SLC35F3: variants seen among roughly 807,000 people sequenced by gnomAD.
SLC35F3 encodes the protein solute carrier family 35 member F3, also known as putative thiamine transporter SLC35F3.
SLC35F3 carries 25 observed loss-of-function variants against 49.9 expected under a neutral mutation model. The observed-to-expected ratio is 0.50, with a 90% confidence interval of 0.37 to 0.70. SLC35F3 has a LOEUF of 0.70. SLC35F3 is among the 30% of genes least tolerant of loss of function. The pLI, the probability that SLC35F3 is intolerant of heterozygous loss-of-function variation, is 0.00. For missense variants in SLC35F3, 525 were observed against 639.8 expected (o/e 0.82, Z 1.94); for synonymous variants, 275 against 265.4 (o/e 1.04, Z -0.35).
intron 2 of SLC35F3, among the ~76,000 whole-genome samples, chr1:234,230,142 A>G (rs1213129800): frequency 6.6e-6 from 1 of 152,232 alleles, no homozygotes; most frequent in Non-Finnish European, 1.5e-5. Context: ...TTGGCCCAAT[A>G]AAGTACATTA....
intron 2 of SLC35F3, among the ~76,000 whole-genome samples, chr1:233,972,145 T>A (rs1403642870): frequency 6.6e-6 from 1 of 152,200 alleles, no homozygotes; most frequent in African/African-American, 2.4e-5. Context: ...TGTGTGATTG[T>A]CTGTTTGAAA....
At chr1:233,921,422 G>A (rs1195601193) in intron 2 of SLC35F3, among the ~76,000 whole-genome samples, 1 of 152,048 alleles carries the variant, frequency 6.6e-6, no homozygotes, top group Non-Finnish European at 1.5e-5. Context: ...GTTTACACCA[G>A]GGCTCACTCT....
At chr1:234,124,782 C>T (rs1665623712) in intron 2 of SLC35F3, among the ~76,000 whole-genome samples, 1 of 152,180 alleles carries the variant, frequency 6.6e-6, no homozygotes, top group African/African-American at 2.4e-5. Context: ...GTGGGAGGAT[C>T]ACTTGAGCCT....
chr1:234,277,481 G>A (rs1222489502), intron 3 of SLC35F3, among the ~76,000 whole-genome samples: 2 of 152,182 alleles, frequency 1.3e-5, no homozygotes, highest in Non-Finnish European at 2.9e-5. Flanking sequence ...CGACTCAAAG[G>A]CATCTTTACA....
chr1:233,950,278 C>T (rs758937402), intron 2 of SLC35F3, among the ~76,000 whole-genome samples: 46 of 144,382 alleles, frequency 3.2e-4, no homozygotes, highest in Non-Finnish European at 5.8e-4. Flanking sequence ...CCCAGCTACT[C>T]GGGAGGCTGA....
At position 234,158,717 on chromosome 1, in the gene SLC35F3, A is replaced by G. The variant is rs569957326; in HGVS notation, c.284-72700A>G. ...CTAGACATGGAATTGGTTGTCAAAA[A>G]GCATGTGCATATTTAAGACGTTCCC... On this transcript the variant is annotated intron_variant, in intron 2 of 7. Transcript: ENST00000366618. 6.6e-5 allele frequency among the ~76,000 whole-genome samples: 10 copies of G among 152,364 alleles called. No individual in the cohort carries two copies. In the East Asian group the frequency reaches 1.9e-3, roughly 29 times the overall value.
At chr1:233,996,639 G>A (rs1663465898) in intron 2 of SLC35F3, among the ~76,000 whole-genome samples, 1 of 152,130 alleles carries the variant, frequency 6.6e-6, no homozygotes, top group Admixed American at 6.5e-5. Flanking sequence ...TCCTCACATG[G>A]TGATCATTTT....
At chr1:234,030,520 T>G (rs901482500) in intron 2 of SLC35F3, among the ~76,000 whole-genome samples, 1 of 152,172 alleles carries the variant, frequency 6.6e-6, no homozygotes, top group African/African-American at 2.4e-5. Flanking sequence ...TTAGGGCCAG[T>G]TGATTATTTT....
At chr1:234,251,856 T>TGGGGCAA (rs1262907065) in intron 3 of SLC35F3, among the ~76,000 whole-genome samples, 2 of 152,132 alleles carry the variant, frequency 1.3e-5, no homozygotes, top group East Asian at 3.8e-4. Context: ...GATACATTAC[T>TGGGGCAA]TAGTAAGTAA....
intron 2 of SLC35F3, among the ~76,000 whole-genome samples, chr1:234,175,685 A>G (rs1389422312): frequency 2.2e-5 from 3 of 137,118 alleles, no homozygotes; most frequent in Admixed American, 7.5e-5. Context: ...AAAAAAAAGG[A>G]AGAGAGTCTA....
At chr1:234,287,792 A>G (rs1668445780) in intron 3 of SLC35F3, among the ~76,000 whole-genome samples, 1 of 152,236 alleles carries the variant, frequency 6.6e-6, no homozygotes, top group African/African-American at 2.4e-5. Flanking sequence ...ATATGTGGAT[A>G]GGATCATTCA....
chr1:234,179,728 ACC>A (rs764223869), intron 2 of SLC35F3, among the ~76,000 whole-genome samples: 2 of 152,076 alleles, frequency 1.3e-5, no homozygotes, highest in East Asian at 1.9e-4. Flanking sequence ...TTGAATTTTT[ACC>A]AATTATGTTA....
chr1:234,280,674 C>G (rs545895246), intron 3 of SLC35F3, among the ~76,000 whole-genome samples: 1 of 152,350 alleles, frequency 6.6e-6, no homozygotes, highest in South Asian at 2.1e-4. Flanking sequence ...TGAAGAGCCA[C>G]ATTTCTCAGC....
intron 2 of SLC35F3, among the ~76,000 whole-genome samples, chr1:234,153,800 G>A (rs975437186): frequency 6.6e-5 from 10 of 151,342 alleles, no homozygotes; most frequent in South Asian, 2.1e-4. Context: ...GGGGCCGGAC[G>A]CAGTGGCTCA....
intron 2 of SLC35F3, among the ~76,000 whole-genome samples, chr1:233,971,144 A>G (rs1662984806): frequency 6.6e-6 from 1 of 152,186 alleles, no homozygotes; most frequent in African/African-American, 2.4e-5. Context: ...TGGCATTGAT[A>G]TACATCTGAC....
At chr1:234,064,436 T>C (rs1190493954) in intron 2 of SLC35F3, among the ~76,000 whole-genome samples, 1 of 152,204 alleles carries the variant, frequency 6.6e-6, no homozygotes, top group Non-Finnish European at 1.5e-5. Flanking sequence ...TTTACCATTC[T>C]TTTTAGGATT....
At chr1:234,000,836 T>C (rs1663540121) in intron 2 of SLC35F3, among the ~76,000 whole-genome samples, 1 of 152,200 alleles carries the variant, frequency 6.6e-6, no homozygotes, top group African/African-American at 2.4e-5. Flanking sequence ...AGCTAATTTC[T>C]TTATTCAAGC....
intron 2 of SLC35F3, among the ~76,000 whole-genome samples, chr1:234,049,573 T>C (rs11809625): frequency 0.37 from 55,864 of 152,100 alleles, 11,232 homozygotes; most frequent in Non-Finnish European, 0.46. Flanking sequence ...CAGTCTGTGG[T>C]ATTTTATTAG....
chr1:233,909,613 G>T (rs189494862), intron 2 of SLC35F3, among the ~76,000 whole-genome samples: 22 of 152,278 alleles, frequency 1.4e-4, no homozygotes, highest in Admixed American at 1.4e-3. Flanking sequence ...AGAATTCTTG[G>T]TGATAAGCTT....
Sources: allele counts gnomAD v4.1 joint callset (sites outside exome capture counted in the v4.1 genomes callset), GRCh38; gene constraint gnomAD v4.1.1; transcripts MANE v1.5; gene names NCBI Gene and HGNC (gene_info 2026-07-23, HGNC 2026-07-21).